UBN2: variants seen among roughly 807,000 people sequenced by gnomAD.
UBN2 encodes ubinuclein 2, also known as ubinuclein-2.
In UBN2, 35 loss-of-function variants were observed where a neutral mutation model predicts 120.2. The ratio of observed to expected loss-of-function variants is 0.29; its 90% confidence interval spans 0.22 to 0.39. UBN2 has a LOEUF of 0.39. UBN2 is among the 10% of genes least tolerant of loss of function. The pLI, the probability that UBN2 is intolerant of heterozygous loss-of-function variation, is 1.00. For missense variants in UBN2, 1,693 were observed against 1,663.2 expected (o/e 1.02, Z -0.31); for synonymous variants, 661 against 648.7 (o/e 1.02, Z -0.29).
chr7:139,291,828 TG>T lies in UBN2; in HGVS notation c.3670-1401del, dbSNP rs1314481862. On this transcript the variant is annotated intron_variant, in intron 15 of 17. Transcript: ENST00000473989. ...ACAATTGTTCCACTGCTCTCTAGCC[TG>T]GGTAACAGAGTGAAACCCCGTCTCT... Among the ~76,000 whole-genome samples, 8 of 152,076 alleles carry T rather than the reference TG, an allele frequency of 5.3e-5. 1 individual carries two copies. In the East Asian group the frequency reaches 1.4e-3, roughly 26 times the overall value.
chr7:139,260,232 G>T (rs1005535376), intron 5 of UBN2, among the ~76,000 whole-genome samples: 15 of 151,978 alleles, frequency 9.9e-5, no homozygotes, highest in Non-Finnish European at 1.5e-5. Flanking sequence ...CTGAGTAGCT[G>T]GGACTATAGG....
chr7:139,281,992 T>C lies in UBN2; in HGVS notation c.2068-13T>C, dbSNP rs1221720170. On this transcript the variant is annotated splice_polypyrimidine_tract_variant and intron_variant, in intron 13 of 17. Coordinates refer to ENST00000473989, the MANE Select transcript of UBN2 (RefSeq NM_173569.4). ...AACAGTATTCTTAACAGCTTGCTTA[T>C]GTAATACCTTAGGAGGTGATGGTAA... 1 of 1,612,774 alleles carries C rather than the reference T, an allele frequency of 6.2e-7. No individual in the cohort carries two copies. The highest frequency in any genetic ancestry group is 1.3e-5 in the African/African-American group (1 of 75,036).
rs1337576624 is a variant in UBN2 at position 139,302,018 on chromosome 7, G to T, written c.*4182G>T. 1 of 152,072 alleles carries T rather than the reference G, an allele frequency of 6.6e-6. No individual in the cohort carries two copies. The highest frequency in any genetic ancestry group is 6.6e-5 in the Admixed American group (1 of 15,262). The allele number at this position is 152,072 out of a possible 1,614,324, so 9.4% of individuals were successfully genotyped here. A position where few individuals can be genotyped will look rare whatever the true frequency, so the allele number is the denominator to read the frequency against. On this transcript the variant is annotated 3_prime_UTR_variant, in exon 18 of 18. Coordinates refer to ENST00000473989, the MANE Select transcript of UBN2 (RefSeq NM_173569.4). ...TTAACTCTTTGTAAATCATTTCTTA[G>T]CTCTGGTAAAATGCTTATATTACTC...
chr7:139,250,557 A>AG (rs1206093788), intron 2 of UBN2, among the ~76,000 whole-genome samples: 1 of 152,000 alleles, frequency 6.6e-6, no homozygotes, highest in African/African-American at 2.4e-5. Context: ...AAAAAAAAAA[A>AG]AAGAAGAACT....
At chr7:139,296,965 C>T (rs938146148) in intron 17 of UBN2, among the ~76,000 whole-genome samples, 7 of 151,974 alleles carry the variant, frequency 4.6e-5, no homozygotes, top group African/African-American at 1.7e-4. Flanking sequence ...GAGGTTGAGG[C>T]AGGGTGGATC....
the UBN2 span, among the ~76,000 whole-genome samples, chr7:139,325,842 G>A: frequency 1.4e-4 from 22 of 152,302 alleles, no homozygotes; most frequent in African/African-American, 5.3e-4. Flanking sequence ...TTGAAGGACA[G>A]GATGGAGGTG....
intron 7 of UBN2, among the ~76,000 whole-genome samples, chr7:139,268,206 A>T (rs1343627653): frequency 6.6e-6 from 1 of 152,182 alleles, no homozygotes; most frequent in Non-Finnish European, 1.5e-5. Flanking sequence ...TCTTAAAACG[A>T]ATCTTCCCAT....
In UBN2 at chr7:139,259,357, C is replaced by G; in HGVS notation, c.892C>G (p.Pro298Ala). ...GGAGAAGAAGCCAAGGAAAAAAGTT[C>G]CCAAACAACTGGGGTACGTTAAATT... ...EKEKKPRKKV[P>A]KQLGVVALNS... The change falls in exon 5 of 18, where the codon CCC becomes GCC. Residue 298 changes from proline (P) to alanine (A), a missense_variant. Transcript: ENST00000473989. 1.2e-6 allele frequency: 2 copies of G among 1,613,820 alleles called. No individual in the cohort carries two copies. The highest frequency in any genetic ancestry group is 1.7e-6 in the Non-Finnish European group (2 of 1,179,850).
rs925463657 is a variant in UBN2, at chr7:139,303,898, C to T, written c.*6062C>T. On this transcript the variant is annotated 3_prime_UTR_variant, in exon 18 of 18. Transcript: ENST00000473989. ...TTAAGTAGTTTTTTTTAGCCTTTTA[C>T]GGTGTTACTGTGATTTTTCGTCAAG... is the stretch of plus-strand genomic sequence containing the variant. The T allele has an allele frequency of 1.3e-5, 2 of 152,008 alleles. No individual in the cohort carries two copies. Among genetic ancestry groups the T allele is most frequent in the Admixed American group, 1.3e-4 (2 of 15,260 alleles). The allele number at this position is 152,008 out of a possible 1,614,324, so 9.4% of individuals were successfully genotyped here.
At chr7:139,280,521 A>G (rs1048894772) in intron 13 of UBN2, among the ~76,000 whole-genome samples, 1 of 152,152 alleles carries the variant, frequency 6.6e-6, no homozygotes, top group Non-Finnish European at 1.5e-5. Flanking sequence ...TGTTGTTTTT[A>G]ATAGATGAGG....
At chr7:139,249,820 C>G (rs527314905) in intron 2 of UBN2, among the ~76,000 whole-genome samples, 1 of 152,026 alleles carries the variant, frequency 6.6e-6, no homozygotes, top group Non-Finnish European at 1.5e-5. Flanking sequence ...GCCTCAGCCT[C>G]TCAAGTAGCA....
At chr7:139,285,137 C>A (rs1797746022) in intron 15 of UBN2, among the ~76,000 whole-genome samples, 1 of 151,922 alleles carries the variant, frequency 6.6e-6, no homozygotes, top group African/African-American at 2.4e-5. Context: ...CCCTTTTATA[C>A]CACAGTTTTC....
At chr7:139,278,180 G>T (rs1322137706) in intron 12 of UBN2, among the ~76,000 whole-genome samples, 5 of 146,504 alleles carry the variant, frequency 3.4e-5, no homozygotes, top group African/African-American at 5.0e-5. Context: ...TCTCTCTCTG[G>T]CTTTTTTTTT....
Position 139,231,890 on chromosome 7 carries a change from C to A in UBN2, c.406C>A (p.Pro136Thr). The change falls in exon 1 of 18, where the codon CCC becomes ACC. Residue 136 changes from proline (P) to threonine (T), a missense_variant. By Grantham distance (38) the Pro-to-Thr change is conservative (BLOSUM62 -1). Coordinates refer to ENST00000473989, the MANE Select transcript of UBN2 (RefSeq NM_173569.4). ...TVRLELVLKD[P>T]TDESCVEFSY... is the part of the protein sequence containing the mutation. The stretch of plus-strand genomic sequence containing the variant: ...GCGCCTGGAGCTGGTGCTTAAGGAC[C>A]CCACCGACGAGAGCTGCGTGGAGTT... 1.3e-6 allele frequency: 2 copies of A among 1,585,342 alleles called. No homozygotes were observed. Among genetic ancestry groups the A allele is most frequent in the Non-Finnish European group, 8.5e-7 (1 of 1,171,494 alleles).
chr7:139,269,680 A>G (rs377497682), intron 8 of UBN2, among the ~76,000 whole-genome samples, 157 bp downstream of exon 8: 21 of 152,370 alleles, frequency 1.4e-4, no homozygotes, highest in Admixed American at 3.3e-4. Flanking sequence ...ATCCCCTGAA[A>G]AATAATTGCG....
intron 6 of UBN2, among the ~76,000 whole-genome samples, 179 bp downstream of exon 6, chr7:139,261,920 T>C (rs954907744): frequency 4.0e-5 from 6 of 151,596 alleles, no homozygotes; most frequent in African/African-American, 1.2e-4. Context: ...TGTTTCCTTT[T>C]AGACCTTTCT....
At position 139,259,386 on chromosome 7, in the gene UBN2, C is replaced by T. The variant is rs760046597; in HGVS notation, c.905+16C>T. On this transcript the variant is annotated intron_variant, in intron 5 of 17. Transcript: ENST00000473989. ...AACAACTGGGGTACGTTAAATTAAA[C>T]CTAAGAAGGGAACTGGCGTCACAGT... The T allele has an allele frequency of 1.2e-6, 2 of 1,611,754 alleles. No homozygotes were observed. The highest frequency in any genetic ancestry group is 1.1e-5 in the South Asian group (1 of 90,778).
chr7:139,242,419 G>A (rs1796345591), intron 2 of UBN2, among the ~76,000 whole-genome samples: 1 of 152,122 alleles, frequency 6.6e-6, no homozygotes. Context: ...AGAGCTTTGG[G>A]CAAACTTGTT....
the UBN2 span, among the ~76,000 whole-genome samples, chr7:139,319,604 A>G: frequency 1.3e-5 from 2 of 152,124 alleles, no homozygotes; most frequent in Non-Finnish European, 2.9e-5. Context: ...AAAATCAAAA[A>G]TGATAAAAAT....
Sources: allele counts gnomAD v4.1 joint callset (sites outside exome capture counted in the v4.1 genomes callset), GRCh38; gene constraint gnomAD v4.1.1; transcripts MANE v1.5; gene names NCBI Gene and HGNC (gene_info 2026-07-23, HGNC 2026-07-21).